The following GALNT17 variants were observed in gnomAD, a reference collection of about 807,000 sequenced individuals.
GALNT17 encodes UDP-GalNAc:polypeptide N-acetylgalactosaminyltransferase-like 3.
Under a neutral mutation model 63.7 loss-of-function variants are expected in GALNT17, and 29 were observed. The observed-to-expected ratio is 0.46, with a 90% confidence interval of 0.34 to 0.62. The LOEUF (loss-of-function observed/expected upper bound fraction) is 0.62, where lower values mean the gene tolerates loss of function less well. Ranked by LOEUF, GALNT17 falls within the 20% of genes least tolerant of loss-of-function variation. The probability of loss-of-function intolerance (pLI) is 0.01; values close to 1 mark genes in which losing one functional copy is unlikely to be tolerated. For missense variants in GALNT17, 603 were observed against 799.6 expected, an observed-to-expected ratio of 0.75 and a Z score of 2.97; for synonymous variants, 305 against 318.3, an observed-to-expected ratio of 0.96 and a Z score of 0.45.
intron 9 of GALNT17, among the ~76,000 whole-genome samples, chr7:71,695,247 C>G (rs1791522706): frequency 6.6e-6 from 1 of 152,202 alleles, no homozygotes; most frequent in Admixed American, 6.5e-5. Flanking sequence ...ATCAGAACTG[C>G]CCCAATCTAT....
intron 6 of GALNT17, among the ~76,000 whole-genome samples, chr7:71,584,089 G>T (rs893514423): frequency 6.6e-6 from 1 of 152,152 alleles, no homozygotes; most frequent in Non-Finnish European, 1.5e-5. Flanking sequence ...CCAAGGTTGC[G>T]CCACTGCACT....
chr7:71,437,617 A>G (rs930498431), intron 5 of GALNT17, among the ~76,000 whole-genome samples: 17 of 152,192 alleles, frequency 1.1e-4, no homozygotes, highest in Non-Finnish European at 7.3e-5. Flanking sequence ...AGATGAGGAC[A>G]AGTGATTCTT....
At chr7:71,170,914 C>CTT (rs11447286) in intron 1 of GALNT17, among the ~76,000 whole-genome samples, 11 of 151,754 alleles carry the variant, frequency 7.2e-5, no homozygotes, top group African/African-American at 1.9e-4. Context: ...CTGTTTAGTT[C>CTT]TTTTTTTTCC....
intron 1 of GALNT17, among the ~76,000 whole-genome samples, chr7:71,277,032 C>T (rs977615160): frequency 1.3e-5 from 2 of 152,006 alleles, no homozygotes; most frequent in Non-Finnish European, 2.9e-5. Flanking sequence ...ATAAATTATC[C>T]AGTCTTAGGT....
chr7:71,671,727 A>G (rs997570525), intron 8 of GALNT17, among the ~76,000 whole-genome samples: 5 of 152,240 alleles, frequency 3.3e-5, no homozygotes, highest in Non-Finnish European at 7.3e-5. Flanking sequence ...TGAAGTTCTT[A>G]GAACGGTACC....
chr7:71,226,823 A>G (rs529315014), intron 1 of GALNT17, among the ~76,000 whole-genome samples: 3 of 152,162 alleles, frequency 2.0e-5, no homozygotes, highest in South Asian at 4.2e-4. Context: ...AGCCTTATAC[A>G]TGAATGGAAA....
intron 5 of GALNT17, among the ~76,000 whole-genome samples, chr7:71,441,534 AG>A (rs1417480862): frequency 6.6e-6 from 1 of 152,066 alleles, no homozygotes; most frequent in Non-Finnish European, 1.5e-5. Flanking sequence ...TTGTTAACAC[AG>A]GTATACATGT....
chr7:71,330,457 G>A (rs1791788542), intron 1 of GALNT17, among the ~76,000 whole-genome samples: 1 of 152,166 alleles, frequency 6.6e-6, no homozygotes, highest in Non-Finnish European at 1.5e-5. Flanking sequence ...GAGTGCAGTG[G>A]TGTAATCATA....
At chr7:71,616,292 C>G (rs533037791) in intron 6 of GALNT17, among the ~76,000 whole-genome samples, 178 of 152,096 alleles carry the variant, frequency 1.2e-3, no homozygotes, top group Non-Finnish European at 2.0e-3. Context: ...TCTTTCCCCC[C>G]CGTCCTCTCA....
chr7:71,587,965 C>A (rs1014216643), intron 6 of GALNT17, among the ~76,000 whole-genome samples: 1 of 152,144 alleles, frequency 6.6e-6, no homozygotes, highest in East Asian at 1.9e-4. Context: ...AAGTTCCTGT[C>A]CTGTCTTGTT....
chr7:71,263,515 A>C (rs1251863993), intron 1 of GALNT17, among the ~76,000 whole-genome samples: 2 of 152,186 alleles, frequency 1.3e-5, no homozygotes, highest in African/African-American at 4.8e-5. Context: ...AGGGAAGAGA[A>C]CTGTTTGCCA....
At chr7:71,581,691 C>T (rs983012810) in intron 6 of GALNT17, among the ~76,000 whole-genome samples, 3 of 152,178 alleles carry the variant, frequency 2.0e-5, no homozygotes, top group Admixed American at 1.3e-4. Flanking sequence ...TTAAGGGTAT[C>T]TCCCAGGCTT....
At chr7:71,467,396 G>C (rs1319240338) in intron 5 of GALNT17, among the ~76,000 whole-genome samples, 1 of 152,166 alleles carries the variant, frequency 6.6e-6, no homozygotes, top group East Asian at 1.9e-4. Flanking sequence ...GCTCACAGGA[G>C]ATGGAGTAAA....
At chr7:71,517,450 T>C (rs1788463198) in intron 5 of GALNT17, among the ~76,000 whole-genome samples, 1 of 152,164 alleles carries the variant, frequency 6.6e-6, no homozygotes, top group Non-Finnish European at 1.5e-5. Flanking sequence ...CATAACATCT[T>C]TGGGAGAGGG....
At chr7:71,631,198 C>CT (rs113080267) in intron 6 of GALNT17, among the ~76,000 whole-genome samples, 256 of 144,996 alleles carry the variant, frequency 1.8e-3, no homozygotes, top group East Asian at 0.014. Context: ...TTTATTTTTA[C>CT]TTTTTTTTTT....
intron 2 of GALNT17, among the ~76,000 whole-genome samples, chr7:71,365,007 T>C (rs1792477114): frequency 6.6e-6 from 1 of 152,192 alleles, no homozygotes; most frequent in African/African-American, 2.4e-5. Context: ...CTTGGCTCAC[T>C]GCAACCTCTG....
chr7:71,437,929 T>C (rs1267647682), intron 5 of GALNT17, among the ~76,000 whole-genome samples: 1 of 152,128 alleles, frequency 6.6e-6, no homozygotes, highest in Non-Finnish European at 1.5e-5. Flanking sequence ...TCCAGGCTGG[T>C]CTCAAACTCC....
At chr7:71,325,643 CTTTTG>C (rs1563004302) in intron 1 of GALNT17, among the ~76,000 whole-genome samples, 4 of 152,152 alleles carry the variant, frequency 2.6e-5, no homozygotes, top group Non-Finnish European at 5.9e-5. Context: ...AACCTTGACT[CTTTTG>C]TTTTGCCACC....
chr7:71,482,079 ATATGTG>A (rs1441281570), intron 5 of GALNT17, among the ~76,000 whole-genome samples: 24 of 136,886 alleles, frequency 1.8e-4, no homozygotes, highest in South Asian at 2.5e-4. Flanking sequence ...ACATATATGT[ATATGTG>A]TGTGTGTGTG....
Sources: allele counts gnomAD v4.1 joint callset (sites outside exome capture counted in the v4.1 genomes callset), GRCh38; gene constraint gnomAD v4.1.1; transcripts MANE v1.5; gene names NCBI Gene and HGNC (gene_info 2026-07-23, HGNC 2026-07-21).